IRF7: variants seen among roughly 807,000 people sequenced by gnomAD.
IRF7 encodes the protein interferon regulatory factor-7H.
IRF7 carries 67 observed loss-of-function variants against 51.3 expected under a neutral mutation model. The ratio of observed to expected loss-of-function variants is 1.31; its 90% CI spans 1.07 to 1.60. IRF7 has a LOEUF of 1.60. Ranked by LOEUF, IRF7 falls within the 40% of genes most tolerant of loss-of-function variation. The probability of loss-of-function intolerance (pLI) is 0.00; values close to 1 mark genes in which losing one functional copy is unlikely to be tolerated. For missense variants in IRF7, 873 were observed against 701.5 expected (o/e 1.24, Z -2.76); for synonymous variants, 427 against 301.3 (o/e 1.42, Z -4.32).
At position 615,578 on chromosome 11, in the gene IRF7, C is replaced by G. The variant is rs969860522; in HGVS notation, c.-214G>C. 2.0e-6 allele frequency: 1 copy of G among 502,170 alleles called. No individual in the cohort carries two copies. Among genetic ancestry groups the G allele is most frequent in the African/African-American group, 2.0e-5 (1 of 50,322 alleles). The allele number at this position is 502,170 out of a possible 1,614,324, so 31.1% of individuals were successfully genotyped here. On this transcript the variant is annotated 5_prime_UTR_variant, in exon 2 of 11. Transcript: ENST00000525445. ...CTACAGGTGTGACTGCAGGTGTGGC[C>G]GGCGCGCACACATGAAGTCACAGGT... is the stretch of plus-strand genomic sequence containing the variant.
rs1193344169 is a variant in IRF7, at chr11:613,108, T to G, written c.1247A>C (p.Glu416Ala). ...DFRVFFQELVEFRARQRRGSP... is the reference protein window; with the variant it reads ...DFRVFFQELVAFRARQRRGSP... ...GCCACGGCGCTGCCGTGCCCGGAAT[T>G]CCACCAGCTCTGAAGAAGGGGACTC... is the stretch of plus-strand genomic sequence containing the variant. The change falls in exon 10 of 11, where the codon GAA (glutamate) becomes GCA (alanine). Residue 416 changes from glutamate (E) to alanine (A), a missense_variant. Physicochemically the swap from Glu to Ala is moderately radical, Grantham distance 107 (BLOSUM62 -1). Transcript: ENST00000525445. 1.2e-6 allele frequency: 2 copies of G among 1,612,914 alleles called. No individual in the cohort carries two copies. Among genetic ancestry groups the G allele is most frequent in the Admixed American group, 3.3e-5 (2 of 60,006 alleles).
rs1856508713 is a variant in IRF7 at position 612,805 on chromosome 11, C to T, written c.1357-5G>A. The stretch of plus-strand genomic sequence containing the variant: ...TCGGCACAGCCAGGGTTCCAGCTGC[C>T]AGGAGGGATCGGGCGTCTGTCAGTG... On this transcript the variant is annotated splice_region_variant and splice_polypyrimidine_tract_variant and intron_variant, in intron 10 of 10. Coordinates refer to ENST00000525445, the MANE Select transcript of IRF7 (RefSeq NM_001572.5). 6.2e-7 allele frequency: 1 copy of T among 1,604,374 alleles called. No homozygotes were observed. Among genetic ancestry groups the T allele is most frequent in the Middle Eastern group, 1.7e-4 (1 of 5,830 alleles).
In IRF7 at chr11:615,345, C is replaced by G. The variant is rs773962790; in HGVS notation, c.20G>C (p.Arg7Thr). Residue 7 changes from arginine (R) to threonine (T), a missense_variant and splice_region_variant, in exon 2 of 11, where the codon AGG (arginine) becomes ACG (threonine). Coordinates refer to ENST00000525445, the MANE Select transcript of IRF7 (RefSeq NM_001572.5). Reference sequence around the variant, plus strand: ...TGGAGAGGGTGGGCCGGGCTCTTACCTCTCAGGAGCCAAGGCCATTGCTCC... The same window carrying G: ...TGGAGAGGGTGGGCCGGGCTCTTACGTCTCAGGAGCCAAGGCCATTGCTCC... Reference protein sequence around the residue: MALAPERAAPRVLFGEW... With the variant: MALAPETAAPRVLFGEW... 1 of 1,528,892 alleles carries G rather than the reference C, an allele frequency of 6.5e-7. No individual in the cohort carries two copies. The highest frequency in any genetic ancestry group is 8.7e-7 in the Non-Finnish European group (1 of 1,143,268). 94.7% of individuals were successfully genotyped at this position (1,528,892 alleles called of 1,614,324 possible). A position where few individuals can be genotyped will look rare whatever the true frequency, so the allele number is the denominator to read the frequency against.
At position 614,289 on chromosome 11, in the gene IRF7, T is replaced by C. The variant is rs1046107841; in HGVS notation, c.564A>G (p.Gln188=). The C allele has an allele frequency of 1.2e-6, 2 of 1,612,172 alleles. No homozygotes were observed. The highest frequency in any genetic ancestry group is 8.5e-7 in the Non-Finnish European group (1 of 1,179,556). ...GCAGATGGTCTGCCAGGCAGCTCTG[T>C]TGCACTGCCTGGAGCAGGAGGTCCC... ...DKGDLLLQAV[Q]QSCLADHLLT... Residue 188 remains glutamine, a synonymous_variant, in exon 6 of 11, where the codon CAA becomes CAG. Coordinates refer to ENST00000525445, the MANE Select transcript of IRF7 (RefSeq NM_001572.5).
At position 613,506 on chromosome 11, in the gene IRF7, G is replaced by A; in HGVS notation, c.937C>T (p.Leu313=). 1 of 1,556,314 alleles carries A rather than the reference G, an allele frequency of 6.4e-7. No individual in the cohort carries two copies. The highest frequency in any genetic ancestry group is 8.7e-7 in the Non-Finnish European group (1 of 1,153,874). The part of the protein sequence containing the change: ...KVVGHPSCTF[L]YGPPDPAVRA... Reference sequence around the variant, plus strand: ...ACAGCTGGGTCTGGGGGGCCGTATAGGAACGTGCAGCTCGGGTGTCCCACC... The same window carrying A: ...ACAGCTGGGTCTGGGGGGCCGTATAAGAACGTGCAGCTCGGGTGTCCCACC... Residue 313 remains leucine (L), a synonymous_variant, in exon 9 of 11, where the codon CTA becomes TTA. Coordinates refer to ENST00000525445, the MANE Select transcript of IRF7 (RefSeq NM_001572.5).
chr11:613,908 C>G (rs528791608), intron 7 of IRF7, 43 bp from the exon 8 acceptor site: 2 of 1,599,702 alleles, frequency 1.3e-6, no homozygotes, highest in Admixed American at 3.4e-5. Context: ...TCATCCCTAG[C>G]CTCTCCCTGT....
intron 8 of IRF7, 44 bp downstream of exon 8, chr11:613,740 CG>C: frequency 1.4e-6 from 1 of 703,242 alleles, no homozygotes; most frequent in Non-Finnish European, 1.8e-6. Flanking sequence ...CCGTGAGTGA[CG>C]GGGGTGGGCG....
At chr11:614,616 TC>T in intron 4 of IRF7, 82 bp from the exon 5 acceptor site, 1 of 1,506,446 alleles carries the variant, frequency 6.6e-7, no homozygotes, top group East Asian at 2.5e-5. Context: ...CCCACCAGCT[TC>T]CTGGCTGTGA....
chr11:615,036 G>A lies in IRF7; in HGVS notation c.184-29C>T, dbSNP rs756011109. 9 of 1,544,104 alleles carry A rather than the reference G, an allele frequency of 5.8e-6. No individual in the cohort carries two copies. The Admixed American group carries it at 1.3e-4, about 22-fold the overall frequency. ...AAGAGGGGGACAGAACACGTGTGCC[G>A]GGCCCGCGGGGTCCTAGGCGGGCTC... On this transcript the variant is annotated intron_variant, in intron 3 of 10. Transcript: ENST00000525445.
At position 613,966 on chromosome 11, in the gene IRF7, C is replaced by T. The variant is rs888494437; in HGVS notation, c.751G>A (p.Ala251Thr). ...ETTPSPGPQP[A>T]ALTTGEAAAP... The stretch of plus-strand genomic sequence containing the variant: ...CCCCTCTCACCTGTCGTTAGTGCCG[C>T]GGGCTGGGGCCCGGGGCTGGGGGTC... Residue 251 changes from alanine to threonine, a missense_variant, in exon 7 of 11, where the codon GCG becomes ACG. Coordinates refer to ENST00000525445, the MANE Select transcript of IRF7 (RefSeq NM_001572.5). 2 of 1,606,434 alleles carry T rather than the reference C, an allele frequency of 1.2e-6. No individual in the cohort carries two copies. Among genetic ancestry groups the T allele is most frequent in the Middle Eastern group, 1.7e-4 (1 of 6,030 alleles).
chr11:615,806 A>C, intron 1 of IRF7, 107 bp downstream of exon 1: 2 of 173,082 alleles, frequency 1.2e-5, no homozygotes, highest in East Asian at 1.5e-4. Flanking sequence ...CCCGACCCTC[A>C]TCTCTCAGGC....
rs534041662 is a variant in IRF7, at chr11:615,434, A to C, written c.-70T>G. On this transcript the variant is annotated 5_prime_UTR_variant, in exon 2 of 11. Coordinates refer to ENST00000525445, the MANE Select transcript of IRF7 (RefSeq NM_001572.5). ...CAGGGGAGGTAAGGGCTCCTGTCGC[A>C]GCAGACGCCAGGCCGCGGCCACAGG... 3.3e-5 allele frequency: 48 copies of C among 1,436,204 alleles called. No homozygotes were observed. In the African/African-American group the frequency reaches 6.7e-4, roughly 20 times the overall value. 89.0% of individuals were successfully genotyped at this position (1,436,204 alleles called of 1,614,324 possible).
In IRF7 at chr11:615,188, TGCAGCCCCTCATA is replaced by T; in HGVS notation, c.79_91del (p.Tyr27SerfsTer22). ...ACAGGTGCGGGCCTCGTCCAGCCAC[TGCAGCCCCTCATA>T]GCAGCCGCTGCTGATCTCTCCAAGG... On this transcript the variant is annotated frameshift_variant, in exon 3 of 11. Coordinates refer to ENST00000525445, the MANE Select transcript of IRF7 (RefSeq NM_001572.5). LOFTEE classifies it high-confidence loss of function. 1 of 1,604,050 alleles carries T rather than the reference TGCAGCCCCTCATA, an allele frequency of 6.2e-7. No homozygotes were observed. Among genetic ancestry groups the T allele is most frequent in the Non-Finnish European group, 8.5e-7 (1 of 1,178,736 alleles).
chr11:614,263 AGCAGATGGTCTGCCAG>A lies in IRF7; in HGVS notation c.574_589del (p.Leu192Ter), dbSNP rs1225266611. 1 of 1,612,698 alleles carries A rather than the reference AGCAGATGGTCTGCCAG, an allele frequency of 6.2e-7. No individual in the cohort carries two copies. Among genetic ancestry groups the A allele is most frequent in the African/African-American group, 1.3e-5 (1 of 74,996 alleles). Reference sequence around the variant, plus strand: ...TGGATCTGCCCCCCATGACGCTGTCAGCAGATGGTCTGCCAGGCAGCTCTGTTGCACTGCCTGGAGC... The same window carrying A: ...TGGATCTGCCCCCCATGACGCTGTCAGCAGCTCTGTTGCACTGCCTGGAGC... On this transcript the variant is annotated frameshift_variant, in exon 6 of 11. Coordinates refer to ENST00000525445, the MANE Select transcript of IRF7 (RefSeq NM_001572.5). LOFTEE classifies it high-confidence loss of function.
At position 615,161 on chromosome 11, in the gene IRF7, A is replaced by C. The variant is rs771740350; in HGVS notation, c.119T>G (p.Phe40Cys). ...LQWLDEARTC[F>C]RVPWKHFARK... ...CGCGAAGTGCTTCCAGGGCACGCGG[A>C]AACAGGTGCGGGCCTCGTCCAGCCA... Residue 40 changes from phenylalanine (F) to cysteine (C), a missense_variant, in exon 3 of 11, where the codon TTC (phenylalanine) becomes TGC (cysteine). Coordinates refer to ENST00000525445, the MANE Select transcript of IRF7 (RefSeq NM_001572.5). 1.0e-5 allele frequency: 16 copies of C among 1,604,326 alleles called. No individual in the cohort carries two copies. The highest frequency in any genetic ancestry group is 4.0e-5 in the African/African-American group (3 of 74,882).
chr11:613,366 C>A lies in IRF7; in HGVS notation c.1077G>T (p.Leu359=). 6.2e-7 allele frequency: 1 copy of A among 1,609,998 alleles called. No individual in the cohort carries two copies. Among genetic ancestry groups the A allele is most frequent in the Admixed American group, 1.7e-5 (1 of 59,394 alleles). ...CCCACAGCTGTGGCCCCCGAAGCTC[C>A]AGGTGCAACCCAGGGGCCACGTGCC... ...LLRHVAPGLH[L]ELRGPQLWAR... is the part of the protein sequence containing the mutation. The change falls in exon 9 of 11, where the codon CTG becomes CTT. Residue 359 remains leucine, a synonymous_variant. Transcript: ENST00000525445.
chr11:614,246 C>G lies in IRF7; in HGVS notation c.607G>C (p.Ala203Pro), dbSNP rs780007979. 1 of 1,612,682 alleles carries G rather than the reference C, an allele frequency of 6.2e-7. No individual in the cohort carries two copies. The highest frequency in any genetic ancestry group is 8.5e-7 in the Non-Finnish European group (1 of 1,179,766). The stretch of plus-strand genomic sequence containing the variant: ...GGAGCCTTGGTTGGGACTGGATCTG[C>G]CCCCCATGACGCTGTCAGCAGATGG... ...ADHLLTASWG[A>P]DPVPTKAPGE... Residue 203 changes from alanine to proline, a missense_variant, in exon 6 of 11, where the codon GCA becomes CCA. Physicochemically the swap from Ala to Pro is conservative, Grantham distance 27. Coordinates refer to ENST00000525445, the MANE Select transcript of IRF7 (RefSeq NM_001572.5).
In IRF7 at chr11:613,849, T is replaced by C. The variant is rs1294850193; in HGVS notation, c.783A>G (p.Pro261=). The C allele has an allele frequency of 2.5e-6, 4 of 1,599,120 alleles. No individual in the cohort carries two copies. Among genetic ancestry groups the C allele is most frequent in the Middle Eastern group, 1.7e-4 (1 of 6,012 alleles). ...ACGGCTCTGCCTGGTGCGGGGACTCTGGGGCCGCGGCCTCGCCTGCATCCG... is the reference window on the plus strand; with the variant it reads ...ACGGCTCTGCCTGGTGCGGGGACTCCGGGGCCGCGGCCTCGCCTGCATCCG... The part of the protein sequence containing the change: ...AALTTGEAAA[P]ESPHQAEPYL... Residue 261 remains proline (P), a synonymous_variant, in exon 8 of 11, where the codon CCA becomes CCG. Coordinates refer to ENST00000525445, the MANE Select transcript of IRF7 (RefSeq NM_001572.5).
At chr11:612,897 G>C in intron 10 of IRF7, 97 bp from the exon 11 acceptor site, 1 of 1,586,016 alleles carries the variant, frequency 6.3e-7, no homozygotes, top group Non-Finnish European at 8.6e-7. Context: ...TCAGTGACCC[G>C]GTGTATGGCC....
Sources: gnomAD v4.1 joint callset for allele counts on GRCh38, gnomAD v4.1.1 for gene constraint, MANE v1.5 for transcripts, NCBI Gene and HGNC (gene_info 2026-07-23, HGNC 2026-07-21) for gene names.